The following CNTNAP5 variants were observed in gnomAD, a reference collection of about 807,000 sequenced individuals.
CNTNAP5 encodes contactin associated protein family member 5.
In CNTNAP5, 72 loss-of-function variants were observed where a neutral mutation model predicts 150.2. That is an observed-to-expected ratio of 0.48 (90% CI 0.40 to 0.58). The LOEUF (loss-of-function observed/expected upper bound fraction) is 0.58, where lower values mean the gene tolerates loss of function less well. Among genes scored for constraint, CNTNAP5 ranks in the 20% least tolerant of loss-of-function variants. CNTNAP5 has a pLI of 0.00. For missense variants in CNTNAP5, 1,636 were observed against 1,626.2 expected, an observed-to-expected ratio of 1.01 and a Z score of -0.10; for synonymous variants, 672 against 619.8, an observed-to-expected ratio of 1.08 and a Z score of -1.25.
At chr2:124,412,890 T>G (rs1358545289) in intron 3 of CNTNAP5, among the ~76,000 whole-genome samples, 2 of 104,238 alleles carry the variant, frequency 1.9e-5, no homozygotes, top group Admixed American at 1.1e-4. Context: ...GGGATCTAAT[T>G]AAACTAAAGA....
chr2:124,184,769 T>G (rs1685293578), intron 1 of CNTNAP5, among the ~76,000 whole-genome samples: 1 of 152,186 alleles, frequency 6.6e-6, no homozygotes, highest in South Asian at 2.1e-4. Flanking sequence ...CAATGGATAT[T>G]CTGGAACAAA....
At chr2:124,382,289 G>A (rs1374756567) in intron 3 of CNTNAP5, among the ~76,000 whole-genome samples, 1 of 152,084 alleles carries the variant, frequency 6.6e-6, no homozygotes, top group Non-Finnish European at 1.5e-5. Flanking sequence ...TTTGTGGATG[G>A]GTAGATGAGG....
chr2:124,036,507 G>A (rs574405895), intron 1 of CNTNAP5, among the ~76,000 whole-genome samples: 5 of 152,168 alleles, frequency 3.3e-5, no homozygotes, highest in South Asian at 4.1e-4. Context: ...CAGTAATGGG[G>A]TCAACCAGGG....
intron 3 of CNTNAP5, among the ~76,000 whole-genome samples, chr2:124,323,744 T>C (rs1339081408): frequency 6.6e-6 from 1 of 152,182 alleles, no homozygotes; most frequent in African/African-American, 2.4e-5. Flanking sequence ...GGCAGCTAAC[T>C]AGACAGCTAA....
chr2:124,160,302 C>G (rs1173929343), intron 1 of CNTNAP5, among the ~76,000 whole-genome samples: 1 of 152,030 alleles, frequency 6.6e-6, no homozygotes, highest in Non-Finnish European at 1.5e-5. Context: ...CTATTTAGGC[C>G]TTCAGTGGAT....
At chr2:124,602,370 C>T (rs994918407) in intron 11 of CNTNAP5, among the ~76,000 whole-genome samples, 134 of 142,154 alleles carry the variant, frequency 9.4e-4, no homozygotes, top group African/African-American at 3.3e-3. Context: ...AGAATAAAGG[C>T]AATATCATGT....
intron 11 of CNTNAP5, among the ~76,000 whole-genome samples, chr2:124,573,148 T>A (rs1363488963): frequency 1.3e-5 from 2 of 152,202 alleles, no homozygotes; most frequent in Non-Finnish European, 2.9e-5. Context: ...CTTAAGTGCA[T>A]TGAAGAGCAC....
chr2:124,633,707 T>G (rs1677911854), intron 12 of CNTNAP5, among the ~76,000 whole-genome samples: 1 of 152,208 alleles, frequency 6.6e-6, no homozygotes, highest in Non-Finnish European at 1.5e-5. Flanking sequence ...GAGCTTCTTC[T>G]TGAGGGCTCT....
At chr2:124,146,831 G>T (rs563787620) in intron 1 of CNTNAP5, among the ~76,000 whole-genome samples, 1 of 152,268 alleles carries the variant, frequency 6.6e-6, no homozygotes, top group African/African-American at 2.4e-5. Flanking sequence ...TTGTAAAAGT[G>T]ATATTCTAAA....
At chr2:124,785,053 A>G (rs1323400655) in intron 17 of CNTNAP5, among the ~76,000 whole-genome samples, 1 of 150,600 alleles carries the variant, frequency 6.6e-6, no homozygotes, top group South Asian at 2.1e-4. Context: ...AAAAAAAAAA[A>G]AAAACAAAAG....
At chr2:124,858,141 G>T (rs1001717005) in intron 19 of CNTNAP5, among the ~76,000 whole-genome samples, 28 of 152,110 alleles carry the variant, frequency 1.8e-4, no homozygotes, top group Non-Finnish European at 3.5e-4. Flanking sequence ...TTGAAAACTG[G>T]CACAAGACTG....
chr2:124,213,247 G>A (rs968835593), intron 1 of CNTNAP5, among the ~76,000 whole-genome samples: 1 of 152,154 alleles, frequency 6.6e-6, no homozygotes, highest in Non-Finnish European at 1.5e-5. Flanking sequence ...TAAAAATGGG[G>A]TTTTTAAAAA....
chr2:124,315,017 T>C (rs1437579620), intron 3 of CNTNAP5, among the ~76,000 whole-genome samples: 1 of 152,052 alleles, frequency 6.6e-6, no homozygotes, highest in Non-Finnish European at 1.5e-5. Context: ...TGTTGCTCTG[T>C]TGCTCAGGCT....
rs1558826463 is a variant in CNTNAP5 at position 124,918,124 on chromosome 2, TG to T, written c.*3841del. Among the ~76,000 whole-genome samples the T allele has an allele frequency of 6.6e-6, 1 of 152,034 alleles. No individual in the cohort carries two copies. Among genetic ancestry groups the T allele is most frequent in the Non-Finnish European group, 1.5e-5 (1 of 67,974 alleles). Reference sequence around the variant, plus strand: ...TCTACATTCTTGTTTCGGGTCAGGTTGGGGGATTCCAAAAGTCTTGCCTCCC... The same window carrying T: ...TCTACATTCTTGTTTCGGGTCAGGTTGGGGATTCCAAAAGTCTTGCCTCCC... On this transcript the variant is annotated 3_prime_UTR_variant, in exon 24 of 24. Coordinates refer to ENST00000682447, the MANE Select transcript of CNTNAP5 (RefSeq NM_001367498.1).
intron 19 of CNTNAP5, among the ~76,000 whole-genome samples, chr2:124,864,026 C>A (rs1677577874): frequency 6.6e-6 from 1 of 152,060 alleles, no homozygotes; most frequent in Non-Finnish European, 1.5e-5. Context: ...ACCAGATGAC[C>A]CCTACAGACA....
intron 1 of CNTNAP5, among the ~76,000 whole-genome samples, chr2:124,168,877 G>A (rs547168244): frequency 1.1e-4 from 16 of 152,108 alleles, no homozygotes; most frequent in South Asian, 4.1e-4. Flanking sequence ...ACCTATCTGC[G>A]TGGAACTTTG....
intron 6 of CNTNAP5, among the ~76,000 whole-genome samples, chr2:124,447,752 G>C (rs545036262): frequency 6.6e-6 from 1 of 152,134 alleles, no homozygotes; most frequent in Non-Finnish European, 1.5e-5. Context: ...AATGGCAGAA[G>C]TTTTCTAGCA....
chr2:124,241,046 C>T (rs1023706342), intron 2 of CNTNAP5, among the ~76,000 whole-genome samples: 1 of 152,174 alleles, frequency 6.6e-6, no homozygotes, highest in Non-Finnish European at 1.5e-5. Flanking sequence ...ACTTGATGTC[C>T]TGAGTTGCTT....
intron 3 of CNTNAP5, among the ~76,000 whole-genome samples, chr2:124,386,065 A>G (rs76348635): frequency 0.081 from 12,275 of 152,222 alleles, 554 homozygotes; most frequent in Non-Finnish European, 0.094. Flanking sequence ...AGAGATGTAC[A>G]GTCAGTTAAC....
Sources: gnomAD v4.1 joint callset for allele counts (sites outside exome capture counted in the v4.1 genomes callset) on GRCh38, gnomAD v4.1.1 for gene constraint, MANE v1.5 for transcripts, NCBI Gene and HGNC (gene_info 2026-07-23, HGNC 2026-07-21) for gene names.